Variants in ROCK1 observed in about 807,000 individuals in gnomAD.
ROCK1 encodes the protein Rho associated coiled-coil containing protein kinase 1.
In ROCK1, 36 loss-of-function variants were observed where a neutral mutation model predicts 196.8. The observed-to-expected ratio is 0.18, with a 90% confidence interval of 0.14 to 0.24. The LOEUF (loss-of-function observed/expected upper bound fraction) is 0.24, where lower values mean the gene tolerates loss of function less well. Among genes scored for constraint, ROCK1 ranks in the 10% least tolerant of loss-of-function variants. The pLI is 1.00. For missense variants in ROCK1, 920 were observed against 1,562.0 expected, an observed-to-expected ratio of 0.59 and a Z score of 6.93; for synonymous variants, 443 against 515.9, an observed-to-expected ratio of 0.86 and a Z score of 1.91.
intron 2 of ROCK1, among the ~76,000 whole-genome samples, chr18:21,061,596 T>C (rs184828057): frequency 1.3e-5 from 2 of 152,302 alleles, no homozygotes; most frequent in East Asian, 1.9e-4. Context: ...ATACACACTT[T>C]ATGCAAATTT....
At chr18:21,007,295 C>T (rs1029683382) in intron 14 of ROCK1, among the ~76,000 whole-genome samples, 2 of 152,110 alleles carry the variant, frequency 1.3e-5, no homozygotes, top group African/African-American at 4.8e-5. Flanking sequence ...GTTTTAAACA[C>T]AAGCAATCCG....
At chr18:20,993,690 T>C (rs1477279650) in intron 16 of ROCK1, among the ~76,000 whole-genome samples, 1 of 152,188 alleles carries the variant, frequency 6.6e-6, no homozygotes, top group African/African-American at 2.4e-5. Flanking sequence ...AAGCTTAGTT[T>C]TAACTTACCT....
rs373217894 is a variant in ROCK1 at position 21,023,737 on chromosome 18, T to A, written c.1212-57A>T. On this transcript the variant is annotated intron_variant, in intron 10 of 32. Transcript: ENST00000399799. ...AAACAAAAAACTCTGTAATATCCCATGACAACCAATAATAAATACTACACG... is the reference window on the plus strand; with the variant it reads ...AAACAAAAAACTCTGTAATATCCCAAGACAACCAATAATAAATACTACACG... 56 of 916,340 alleles carry A rather than the reference T, an allele frequency of 6.1e-5. 1 individual carries two copies. The South Asian group carries it at 8.6e-4, about 14-fold the overall frequency. 56.8% of individuals were successfully genotyped at this position (916,340 alleles called of 1,614,324 possible).
chr18:20,992,028 C>CA (rs1236901697), intron 17 of ROCK1, among the ~76,000 whole-genome samples: 1 of 152,116 alleles, frequency 6.6e-6, no homozygotes, highest in Admixed American at 6.5e-5. Flanking sequence ...AAAACAAAAA[C>CA]AAAAAACAAA....
At chr18:21,006,942 T>G in intron 14 of ROCK1, 152 bp from the exon 15 acceptor site, 5 of 535,574 alleles carry the variant, frequency 9.3e-6, no homozygotes, top group Non-Finnish European at 1.6e-5. Context: ...TGGAAGTACC[T>G]GCATTTTAAA....
At chr18:21,061,276 T>C (rs1328803708) in intron 2 of ROCK1, among the ~76,000 whole-genome samples, 2 of 152,074 alleles carry the variant, frequency 1.3e-5, no homozygotes, top group African/African-American at 4.8e-5. Flanking sequence ...GACGGGGTTT[T>C]GTCATGTTGG....
At chr18:21,019,753 G>A (rs539057314) in intron 12 of ROCK1, among the ~76,000 whole-genome samples, 8 of 150,824 alleles carry the variant, frequency 5.3e-5, no homozygotes, top group African/African-American at 1.2e-4. Flanking sequence ...AGCCAAGATC[G>A]TGCCACTGCA....
intron 21 of ROCK1, among the ~76,000 whole-genome samples, chr18:20,982,012 C>T (rs991466017): frequency 1.3e-5 from 2 of 152,106 alleles, no homozygotes; most frequent in Non-Finnish European, 2.9e-5. Flanking sequence ...TGGAATAAAT[C>T]AGAACTGAGA....
In ROCK1 at chr18:20,967,050, C is replaced by G. The variant is rs113818979; in HGVS notation, c.3219G>C (p.Arg1073Ser). The G allele has an allele frequency of 6.2e-7, 1 of 1,611,990 alleles. No individual in the cohort carries two copies. Among genetic ancestry groups the G allele is most frequent in the Non-Finnish European group, 8.5e-7 (1 of 1,178,572 alleles). Reference protein sequence around the residue: ...QAQLVEECAHRNELQMQLASK... With the variant: ...QAQLVEECAHSNELQMQLASK... ...TGGCCAACTGCATCTGAAGCTCATT[C>G]CTATGTGCACATTCTTCTACCAATT... Residue 1073 changes from arginine (R) to serine (S), a missense_variant, in exon 27 of 33, where the codon AGG (arginine) becomes AGC (serine). Arg to Ser is a moderately radical substitution (Grantham distance 110). Transcript: ENST00000399799.
chr18:20,951,384 T>C lies in ROCK1; in HGVS notation c.4065A>G (p.Ter1355=). ...VVKNTSGKTS[*] ...TTCCACAGGGCACTCAGTCACATGG[T>C]TAACTGTTGAGGGAGGGGGAAAAAA... The change falls in exon 33 of 33, where the codon TAA becomes TAG. Residue 1355 remains the stop codon, a stop_retained_variant. Coordinates refer to ENST00000399799, the MANE Select transcript of ROCK1 (RefSeq NM_005406.3). 1.3e-6 allele frequency: 2 copies of C among 1,596,940 alleles called. No individual in the cohort carries two copies. The highest frequency in any genetic ancestry group is 1.1e-5 in the South Asian group (1 of 87,902).
intron 29 of ROCK1, among the ~76,000 whole-genome samples, chr18:20,959,054 ATAT>A (rs1201226684): frequency 1.4e-4 from 7 of 50,412 alleles, no homozygotes; most frequent in South Asian, 4.2e-4. Context: ...TATAATATAT[ATAT>A]TATATTTTAT....
intron 1 of ROCK1, among the ~76,000 whole-genome samples, chr18:21,099,500 T>C (rs1050985746): frequency 7.2e-5 from 11 of 152,074 alleles, no homozygotes; most frequent in Non-Finnish European, 1.0e-4. Flanking sequence ...TCCCAACACT[T>C]TGGGGGGTTG....
chr18:21,012,749 A>C (rs2035829717), intron 13 of ROCK1, among the ~76,000 whole-genome samples: 1 of 152,078 alleles, frequency 6.6e-6, no homozygotes, highest in Admixed American at 6.5e-5. Flanking sequence ...TCCTTTAGTA[A>C]TTCGAGTGAC....
chr18:20,989,456 A>G (rs1236727739), intron 18 of ROCK1, among the ~76,000 whole-genome samples: 1 of 152,260 alleles, frequency 6.6e-6, no homozygotes, highest in Non-Finnish European at 1.5e-5. Flanking sequence ...TAGTAGGTTA[A>G]GAATAAGCAG....
chr18:21,054,110 G>A (rs745781259), intron 2 of ROCK1, among the ~76,000 whole-genome samples: 5 of 152,156 alleles, frequency 3.3e-5, no homozygotes, highest in South Asian at 2.1e-4. Flanking sequence ...GTGTAGCAAC[G>A]TCCCAAGAAA....
At chr18:21,080,144 C>CAT (rs2143568506) in intron 1 of ROCK1, among the ~76,000 whole-genome samples, 1 of 152,234 alleles carries the variant, frequency 6.6e-6, no homozygotes, top group South Asian at 2.1e-4. Flanking sequence ...TCATCAAAGC[C>CAT]ATATCACTAG....
chr18:20,990,114 T>C (rs1444784868), intron 18 of ROCK1, among the ~76,000 whole-genome samples: 7 of 151,722 alleles, frequency 4.6e-5, no homozygotes, highest in Non-Finnish European at 1.5e-5. Context: ...TGAAAAAAAA[T>C]TGACAACTCA....
At chr18:20,977,641 T>C (rs969835863) in intron 22 of ROCK1, among the ~76,000 whole-genome samples, 7 of 152,240 alleles carry the variant, frequency 4.6e-5, no homozygotes, top group African/African-American at 1.7e-4. Flanking sequence ...AGCACAATAC[T>C]GGTGATCCAT....
At position 21,045,519 on chromosome 18, in the gene ROCK1, T is replaced by C. The variant is rs895563605; in HGVS notation, c.415-52A>G. ...ACACATTCATTAATGTTAAACAAAATTGTTTCACTTAAAAAGTGGCAAAAA... is the reference window on the plus strand; with the variant it reads ...ACACATTCATTAATGTTAAACAAAACTGTTTCACTTAAAAAGTGGCAAAAA... On this transcript the variant is annotated intron_variant, in intron 4 of 32. Coordinates refer to ENST00000399799, the MANE Select transcript of ROCK1 (RefSeq NM_005406.3). 14 of 1,383,824 alleles carry C rather than the reference T, an allele frequency of 1.0e-5. 2 individuals carry two copies. Among genetic ancestry groups the C allele is most frequent in the Middle Eastern group, 3.7e-4 (2 of 5,406 alleles). 85.7% of individuals were successfully genotyped at this position (1,383,824 alleles called of 1,614,324 possible). A position where few individuals can be genotyped will look rare whatever the true frequency, so the allele number is the denominator to read the frequency against.
Sources: gnomAD v4.1 joint callset for allele counts (sites outside exome capture counted in the v4.1 genomes callset) on GRCh38, gnomAD v4.1.1 for gene constraint, MANE v1.5 for transcripts, NCBI Gene and HGNC (gene_info 2026-07-23, HGNC 2026-07-21) for gene names.